MOB3B: variants seen among roughly 807,000 people sequenced by gnomAD.
The protein encoded by MOB3B is MOB kinase activator-like 2B.
Under a neutral mutation model 18.7 loss-of-function variants are expected in MOB3B, and 7 were observed. The observed-to-expected ratio is 0.37, with a 90% CI of 0.21 to 0.70. The LOEUF is 0.70. MOB3B is among the 30% of genes least tolerant of loss of function. The pLI, the probability that MOB3B is intolerant of heterozygous loss-of-function variation, is 0.52. For synonymous variants in MOB3B, 111 were observed against 99.9 expected, an observed-to-expected ratio of 1.11 and a Z score of -0.66; for missense variants, 253 against 281.3, an observed-to-expected ratio of 0.90 and a Z score of 0.72.
rs17835673 is a variant in MOB3B, at chr9:27,425,867, T to C, written c.418+29266A>G. Among the ~76,000 whole-genome samples the C allele has an allele frequency of 8.5e-5, 13 of 152,118 alleles. No homozygotes were observed. The East Asian group carries it at 2.1e-3, about 25-fold the overall frequency. ...TTACATTCTACCATCTTTTCATCAA[T>C]CAAACCACAAAGGGCCTGAAATGAG... On this transcript the variant is annotated intron_variant, in intron 2 of 3. Coordinates refer to ENST00000262244, the MANE Select transcript of MOB3B (RefSeq NM_024761.5).
intron 2 of MOB3B, among the ~76,000 whole-genome samples, chr9:27,369,343 A>G (rs186305325): frequency 8.4e-4 from 128 of 152,306 alleles, no homozygotes; most frequent in African/African-American, 2.9e-3. Flanking sequence ...ATTAACACCA[A>G]GTCTTGTCTT....
intron 2 of MOB3B, among the ~76,000 whole-genome samples, chr9:27,428,573 G>C (rs539102223): frequency 6.6e-6 from 1 of 152,194 alleles, no homozygotes; most frequent in African/African-American, 2.4e-5. Flanking sequence ...AAAATGTTGA[G>C]TTTCCATTCA....
intron 3 of MOB3B, among the ~76,000 whole-genome samples, chr9:27,343,262 G>A (rs1009029177): frequency 1.3e-5 from 2 of 151,528 alleles, no homozygotes; most frequent in African/African-American, 2.4e-5. Flanking sequence ...TTGTTAAACA[G>A]ATGCTTGAAA....
At chr9:27,459,113 C>T (rs1348582689) in intron 1 of MOB3B, among the ~76,000 whole-genome samples, 1 of 152,030 alleles carries the variant, frequency 6.6e-6, no homozygotes, top group Non-Finnish European at 1.5e-5. Flanking sequence ...TGTGTCTTTT[C>T]CTGAGTGTGA....
chr9:27,496,774 G>C (rs185858110), intron 1 of MOB3B, among the ~76,000 whole-genome samples: 6 of 152,248 alleles, frequency 3.9e-5, no homozygotes, highest in Admixed American at 6.5e-5. Context: ...CTTTAAAATT[G>C]TTCATTAATT....
At chr9:27,525,869 T>C (rs1820428694) in intron 1 of MOB3B, 2 of 152,356 alleles carry the variant, frequency 1.3e-5, no homozygotes, top group South Asian at 4.1e-4. Context: ...TAATATCTTT[T>C]ATCTTTTTAA....
chr9:27,472,254 C>G (rs1208439409), intron 1 of MOB3B, among the ~76,000 whole-genome samples: 2 of 150,236 alleles, frequency 1.3e-5, no homozygotes, highest in African/African-American at 4.9e-5. Flanking sequence ...AAGGGTGACA[C>G]CACTTTTCTT....
At chr9:27,350,836 A>C (rs1416761116) in intron 3 of MOB3B, among the ~76,000 whole-genome samples, 1 of 151,550 alleles carries the variant, frequency 6.6e-6, no homozygotes, top group Non-Finnish European at 1.5e-5. Flanking sequence ...AGCCCCATGA[A>C]TGCACACTCC....
chr9:27,500,218 G>T (rs927860879), intron 1 of MOB3B, among the ~76,000 whole-genome samples: 2 of 151,636 alleles, frequency 1.3e-5, no homozygotes, highest in Non-Finnish European at 2.9e-5. Flanking sequence ...CCTGTGCTGG[G>T]TTGGGGGGTG....
intron 2 of MOB3B, among the ~76,000 whole-genome samples, chr9:27,404,080 C>T (rs530976763): frequency 2.6e-5 from 4 of 151,940 alleles, no homozygotes; most frequent in Non-Finnish European, 5.9e-5. Context: ...GCTTTATCTC[C>T]CCCTCCCTAT....
chr9:27,510,062 GT>G (rs1820121115), intron 1 of MOB3B, among the ~76,000 whole-genome samples: 1 of 152,142 alleles, frequency 6.6e-6, no homozygotes. Flanking sequence ...GTAACACTAT[GT>G]ACTTAACTAA....
intron 1 of MOB3B, among the ~76,000 whole-genome samples, chr9:27,499,122 T>C (rs1264001127): frequency 1.3e-5 from 2 of 152,248 alleles, no homozygotes; most frequent in Non-Finnish European, 2.9e-5. Context: ...TTTGGGTCTA[T>C]TTTCCTCCTT....
intron 2 of MOB3B, among the ~76,000 whole-genome samples, chr9:27,408,341 C>T (rs1045291645): frequency 2.0e-5 from 3 of 152,296 alleles, no homozygotes; most frequent in African/African-American, 7.2e-5. Context: ...CTGCTTGACA[C>T]TATCTAGCAT....
chr9:27,395,778 G>C (rs1183303257), intron 2 of MOB3B, among the ~76,000 whole-genome samples: 2 of 152,332 alleles, frequency 1.3e-5, no homozygotes, highest in South Asian at 4.1e-4. Flanking sequence ...GACCAGGGCT[G>C]AGTCAGGCTC....
At chr9:27,504,157 A>G (rs1239027303) in intron 1 of MOB3B, among the ~76,000 whole-genome samples, 2 of 152,226 alleles carry the variant, frequency 1.3e-5, no homozygotes, top group Admixed American at 1.3e-4. Flanking sequence ...ATTTACTGAC[A>G]TCCCTAATGC....
At chr9:27,380,020 C>A (rs1821552893) in intron 2 of MOB3B, among the ~76,000 whole-genome samples, 1 of 152,076 alleles carries the variant, frequency 6.6e-6, no homozygotes, top group Non-Finnish European at 1.5e-5. Flanking sequence ...AAAACATTAA[C>A]CCCAGTGAAA....
intron 2 of MOB3B, among the ~76,000 whole-genome samples, chr9:27,392,277 C>T (rs1002397213): frequency 9.2e-5 from 14 of 152,120 alleles, no homozygotes; most frequent in Non-Finnish European, 1.6e-4. Flanking sequence ...AATTCTTGAA[C>T]ATCATTGAAG....
chr9:27,363,596 G>A (rs1270277838), intron 2 of MOB3B, among the ~76,000 whole-genome samples: 1 of 151,236 alleles, frequency 6.6e-6, no homozygotes, highest in East Asian at 1.9e-4. Context: ...AATGGAAACT[G>A]AGGCTTAGCT....
At position 27,395,815 on chromosome 9, in the gene MOB3B, C is replaced by G. The variant is rs550226399; in HGVS notation, c.419-36579G>C. On this transcript the variant is annotated intron_variant, in intron 2 of 3. Transcript: ENST00000262244. ...GCCTGATTTGCTTTCTAACTTTAGG[C>G]TCATTCTGTTGCTCCTCAGTGGCAT... Among the ~76,000 whole-genome samples the G allele has an allele frequency of 2.1e-4, 32 of 151,372 alleles. 1 individual carries two copies. The highest frequency in any genetic ancestry group is 7.2e-4 in the Admixed American group (11 of 15,218).
Sources: gnomAD v4.1 joint callset for allele counts (sites outside exome capture counted in the v4.1 genomes callset) on GRCh38, gnomAD v4.1.1 for gene constraint, MANE v1.5 for transcripts, NCBI Gene and HGNC (gene_info 2026-07-23, HGNC 2026-07-21) for gene names.